Variants in NAALADL2 observed in about 807,000 individuals in gnomAD.
NAALADL2 encodes the protein inactive N-acetylated-alpha-linked acidic dipeptidase-like protein 2.
In NAALADL2, 76 loss-of-function variants were observed where a neutral mutation model predicts 87.2. The ratio of observed to expected loss-of-function variants is 0.87; its 90% confidence interval spans 0.72 to 1.05. NAALADL2 has a LOEUF of 1.05. NAALADL2 is among the 50% of genes least tolerant of loss of function. NAALADL2 has a pLI of 0.00. For missense variants in NAALADL2, 1,089 were observed against 945.8 expected, an observed-to-expected ratio of 1.15 and a Z score of -1.99; for synonymous variants, 354 against 331.0, an observed-to-expected ratio of 1.07 and a Z score of -0.75.
chr3:175,202,030 A>G (rs1258083278), intron 2 of NAALADL2, among the ~76,000 whole-genome samples: 2 of 152,130 alleles, frequency 1.3e-5, no homozygotes, highest in Non-Finnish European at 2.9e-5. Context: ...TCACAGCTCT[A>G]ACAAGGTCAT....
chr3:174,786,098 A>G (rs1272324349), intron 3 of NAALADL2, among the ~76,000 whole-genome samples: 1 of 152,136 alleles, frequency 6.6e-6, no homozygotes, highest in East Asian at 1.9e-4. Flanking sequence ...TTAAATTAGC[A>G]TCATGCTGCC....
chr3:174,990,553 G>A (rs569520155), intron 1 of NAALADL2, among the ~76,000 whole-genome samples: 2 of 152,072 alleles, frequency 1.3e-5, no homozygotes, highest in African/African-American at 4.8e-5. Flanking sequence ...TTTTAAATAA[G>A]CATAGCTTTT....
At chr3:175,143,193 C>A (rs1730255162) in intron 2 of NAALADL2, among the ~76,000 whole-genome samples, 1 of 151,962 alleles carries the variant, frequency 6.6e-6, no homozygotes, top group South Asian at 2.1e-4. Context: ...CATACACACA[C>A]TCACACACTC....
At chr3:174,548,994 C>A (rs1054553551) in intron 1 of NAALADL2, among the ~76,000 whole-genome samples, 1 of 152,170 alleles carries the variant, frequency 6.6e-6, no homozygotes, top group African/African-American at 2.4e-5. Context: ...TCATGCAGCA[C>A]CATGCCCGGC....
intron 10 of NAALADL2, among the ~76,000 whole-genome samples, chr3:175,597,869 TA>T (rs1431365503): frequency 6.6e-6 from 1 of 152,062 alleles, no homozygotes; most frequent in Non-Finnish European, 1.5e-5. Context: ...TAATGCTCCA[TA>T]AACTTCAGGC....
chr3:175,143,828 T>C (rs963935009), intron 2 of NAALADL2, among the ~76,000 whole-genome samples: 3 of 151,956 alleles, frequency 2.0e-5, no homozygotes, highest in African/African-American at 7.2e-5. Flanking sequence ...CAATGACATA[T>C]CATCAGTAAA....
At chr3:175,124,178 A>G (rs1262161994) in intron 2 of NAALADL2, among the ~76,000 whole-genome samples, 4 of 152,082 alleles carry the variant, frequency 2.6e-5, no homozygotes, top group Non-Finnish European at 4.4e-5. Context: ...TACTGAAGCT[A>G]TTTGGGCATG....
At chr3:175,297,500 T>G (rs10936840) in intron 4 of NAALADL2, among the ~76,000 whole-genome samples, 27,350 of 152,172 alleles carry the variant, frequency 0.18, 2,684 homozygotes, top group African/African-American at 0.25. Flanking sequence ...TCCTAAGCAA[T>G]AATTATTTAT....
At chr3:174,674,688 G>C (rs903972483) in intron 2 of NAALADL2, among the ~76,000 whole-genome samples, 2 of 151,952 alleles carry the variant, frequency 1.3e-5, no homozygotes, top group African/African-American at 4.8e-5. Flanking sequence ...AAGTTGATGA[G>C]GAAACAGGGT....
rs57605410 is a variant in NAALADL2, at chr3:174,586,444, C to T, written c.-115+35807C>T. Among the ~76,000 whole-genome samples the T allele has an allele frequency of 3.0e-3, 452 of 152,190 alleles. 2 individuals carry two copies. The highest frequency in any genetic ancestry group is 0.01 in the African/African-American group (427 of 41,530). On this transcript the variant is annotated intron_variant, in intron 2 of 3. Coordinates refer to the NAALADL2 transcript ENST00000434257. ...CTGCTAACTTCAGTATGGATGGCAC[C>T]GGGTTCAACAGACTGACGAAGAGAC...
At chr3:174,965,409 G>A (rs985055036) in intron 1 of NAALADL2, among the ~76,000 whole-genome samples, 2 of 152,056 alleles carry the variant, frequency 1.3e-5, no homozygotes, top group Non-Finnish European at 2.9e-5. Flanking sequence ...TCACTAAGGC[G>A]ATTTCTATGG....
At chr3:175,090,686 G>A (rs9866900) in intron 1 of NAALADL2, among the ~76,000 whole-genome samples, 28,406 of 151,748 alleles carry the variant, frequency 0.19, 2,743 homozygotes, top group East Asian at 0.32. Flanking sequence ...AGGCTTCAGG[G>A]TGAAGTTTTA....
At chr3:175,478,259 C>A (rs1006369945) in intron 9 of NAALADL2, among the ~76,000 whole-genome samples, 1 of 151,866 alleles carries the variant, frequency 6.6e-6, no homozygotes, top group East Asian at 1.9e-4. Context: ...TCAACGGAAG[C>A]GACCATAAAG....
intron 2 of NAALADL2, among the ~76,000 whole-genome samples, chr3:175,143,257 C>T (rs1730273427): frequency 6.6e-6 from 1 of 151,828 alleles, no homozygotes; most frequent in African/African-American, 2.4e-5. Context: ...AATATATTTC[C>T]CCACGTTTTA....
At chr3:175,120,588 T>C (rs1726004130) in intron 2 of NAALADL2, among the ~76,000 whole-genome samples, 1 of 151,830 alleles carries the variant, frequency 6.6e-6, no homozygotes, top group Non-Finnish European at 1.5e-5. Flanking sequence ...TTGGTCCAAG[T>C]ATTAATGAAT....
chr3:174,477,871 G>A (rs1457282641), intron 1 of NAALADL2, among the ~76,000 whole-genome samples: 2 of 152,128 alleles, frequency 1.3e-5, no homozygotes, highest in African/African-American at 4.8e-5. Flanking sequence ...TTCAATGTTA[G>A]CCATGAGTAT....
chr3:175,719,590 A>G (rs1390907464), intron 11 of NAALADL2, among the ~76,000 whole-genome samples: 5 of 152,114 alleles, frequency 3.3e-5, no homozygotes, highest in Non-Finnish European at 7.4e-5. Context: ...TTCCAAGATG[A>G]TTTTTTTAAA....
chr3:175,203,877 C>A (rs921707850), intron 2 of NAALADL2, among the ~76,000 whole-genome samples: 1 of 152,048 alleles, frequency 6.6e-6, no homozygotes, highest in African/African-American at 2.4e-5. Context: ...AAAACACAAC[C>A]CTCCTAGCTT....
intron 3 of NAALADL2, among the ~76,000 whole-genome samples, chr3:174,852,906 A>G (rs1450284663): frequency 1.3e-5 from 2 of 152,164 alleles, no homozygotes; most frequent in Non-Finnish European, 2.9e-5. Flanking sequence ...ATAAATCCAT[A>G]CATATACCAC....
Sources: allele counts gnomAD v4.1 joint callset (sites outside exome capture counted in the v4.1 genomes callset), GRCh38; gene constraint gnomAD v4.1.1; transcripts MANE v1.5; gene names NCBI Gene and HGNC (gene_info 2026-07-23, HGNC 2026-07-21).